HTT: variants seen among roughly 807,000 people sequenced by gnomAD.
HTT encodes the protein huntington disease protein.
HTT carries 104 observed loss-of-function variants against 362.3 expected under a neutral mutation model. The observed-to-expected ratio is 0.29, with a 90% CI of 0.24 to 0.34. The LOEUF (loss-of-function observed/expected upper bound fraction) is 0.34, where lower values mean the gene tolerates loss of function less well. HTT is among the 10% of genes least tolerant of loss of function. The probability of loss-of-function intolerance (pLI) is 1.00; values close to 1 mark genes in which losing one functional copy is unlikely to be tolerated. For synonymous variants in HTT, 1,577 were observed against 1,548.7 expected (o/e 1.02, Z -0.43); for missense variants, 3,301 against 3,928.6 (o/e 0.84, Z 4.27).
intron 47 of HTT, among the ~76,000 whole-genome samples, 177 bp from the exon 48 acceptor site, chr4:3,211,752 C>G (rs1162634696): frequency 6.6e-6 from 1 of 152,102 alleles, no homozygotes; most frequent in Non-Finnish European, 1.5e-5. Context: ...TGAAATTGTT[C>G]AAATATTTAT....
intron 51 of HTT, among the ~76,000 whole-genome samples, chr4:3,216,251 A>G (rs980584565): frequency 6.6e-6 from 1 of 152,214 alleles, no homozygotes; most frequent in Non-Finnish European, 1.5e-5. Flanking sequence ...TGCACAGCCA[A>G]GGACTTCTCT....
intron 2 of HTT, among the ~76,000 whole-genome samples, chr4:3,094,124 C>G (rs529637524): frequency 6.6e-6 from 1 of 151,514 alleles, no homozygotes; most frequent in Non-Finnish European, 1.5e-5. Context: ...TGACTCTTAA[C>G]GAGTATGCTG....
At position 3,199,956 on chromosome 4, in the gene HTT, C is replaced by T. The variant is rs1047477560; in HGVS notation, c.5576+17C>T. The T allele has an allele frequency of 1.2e-6, 2 of 1,602,282 alleles. No homozygotes were observed. Among genetic ancestry groups the T allele is most frequent in the African/African-American group, 1.3e-5 (1 of 74,680 alleles). On this transcript the variant is annotated intron_variant, in intron 41 of 66. Transcript: ENST00000355072. Reference sequence around the variant, plus strand: ...GACCCCGAAGTAGGTTCATAATGCCCCACAGCCCAGGGCGCCAGCCCAGCA... The same window carrying T: ...GACCCCGAAGTAGGTTCATAATGCCTCACAGCCCAGGGCGCCAGCCCAGCA...
intron 23 of HTT, among the ~76,000 whole-genome samples, chr4:3,144,162 A>G (rs993087030): frequency 1.3e-5 from 2 of 152,182 alleles, no homozygotes; most frequent in African/African-American, 4.8e-5. Flanking sequence ...CTGGCAGATA[A>G]TCACCAAGAT....
chr4:3,130,250 A>G, intron 13 of HTT, 55 bp from the exon 14 acceptor site: 1 of 1,152,776 alleles, frequency 8.7e-7, no homozygotes. Flanking sequence ...ATAAATGTAT[A>G]ATTGTATTTT....
At chr4:3,185,529 G>C (rs942376411) in intron 37 of HTT, among the ~76,000 whole-genome samples, 34 of 152,298 alleles carry the variant, frequency 2.2e-4, no homozygotes, top group African/African-American at 7.9e-4. Flanking sequence ...ACAAAAATTG[G>C]AAACAGTCAG....
chr4:3,166,388 T>G (rs939849024), intron 29 of HTT, among the ~76,000 whole-genome samples: 1 of 152,236 alleles, frequency 6.6e-6, no homozygotes, highest in African/African-American at 2.4e-5. Flanking sequence ...GGGACCCACT[T>G]GAGGCAGTCT....
chr4:3,087,171 C>T (rs1578486399), intron 2 of HTT, 149 bp downstream of exon 2: 2 of 520,914 alleles, frequency 3.8e-6, no homozygotes, highest in East Asian at 5.9e-5. Flanking sequence ...ATATTTCTGG[C>T]TATATACAAG....
chr4:3,189,519 G>A (rs750418493), intron 40 of HTT, among the ~76,000 whole-genome samples: 1 of 152,192 alleles, frequency 6.6e-6, no homozygotes, highest in Non-Finnish European at 1.5e-5. Context: ...AAATAAGCCA[G>A]TCACAAAAGG....
chr4:3,152,324 T>C (rs1716936658), intron 26 of HTT, among the ~76,000 whole-genome samples: 1 of 152,140 alleles, frequency 6.6e-6, no homozygotes, highest in Non-Finnish European at 1.5e-5. Flanking sequence ...GGTCTCGAAC[T>C]TGTGACCTCG....
intron 5 of HTT, 67 bp from the exon 6 acceptor site, chr4:3,107,218 A>G (rs1307376475): frequency 5.8e-6 from 9 of 1,553,704 alleles, no homozygotes; most frequent in Admixed American, 5.5e-5. Flanking sequence ...CCTAACAGGG[A>G]ATGAATTGCT....
Position 3,125,633 on chromosome 4 carries a change from G to A in HTT, c.1402+4G>A, listed in dbSNP as rs760888189. On this transcript the variant is annotated splice_donor_region_variant and intron_variant, in intron 11 of 66. Coordinates refer to ENST00000355072, the MANE Select transcript of HTT (RefSeq NM_001388492.1). ...GTCAGCAGCTCTGCCTTAACAGGTA[G>A]TTCTCACTAGTTAGCCGCTGGTGTG... 6.2e-7 allele frequency: 1 copy of A among 1,601,436 alleles called. No individual in the cohort carries two copies. The highest frequency in any genetic ancestry group is 8.6e-7 in the Non-Finnish European group (1 of 1,168,498).
At chr4:3,159,700 T>G (rs1717344777) in intron 28 of HTT, among the ~76,000 whole-genome samples, 1 of 152,270 alleles carries the variant, frequency 6.6e-6, no homozygotes, top group African/African-American at 2.4e-5. Context: ...TTACCAATAT[T>G]TATTTTCCTA....
At chr4:3,128,385 C>G (rs949989134) in intron 12 of HTT, 4 of 152,142 alleles carry the variant, frequency 2.6e-5, no homozygotes, top group Admixed American at 2.6e-4. Context: ...AAGGAAACAA[C>G]TTAGTGTCTT....
chr4:3,105,075 C>T (rs906532826), intron 4 of HTT, among the ~76,000 whole-genome samples: 1 of 152,110 alleles, frequency 6.6e-6, no homozygotes, highest in African/African-American at 2.4e-5. Context: ...TTCAGTAATT[C>T]ACAATGTTAG....
chr4:3,132,566 A>C lies in HTT; in HGVS notation c.2241A>C (p.Glu747Asp). Reference sequence around the variant, plus strand: ...CTGAGCAATTTATCTCCACAGAGGAACAGTATGTCTCAGACATCTTGAACT... The same window carrying C: ...CTGAGCAATTTATCTCCACAGAGGACCAGTATGTCTCAGACATCTTGAACT... ...VPLDTTEYPE[E>D]QYVSDILNYI... Residue 747 changes from glutamate to aspartate, a missense_variant, in exon 17 of 67, where the codon GAA becomes GAC. Physicochemically the swap from Glu to Asp is conservative, Grantham distance 45 (BLOSUM62 2). This residue lies in a region of HTT where 2,316 missense variants were observed against 2,658.5 expected (regional missense o/e 0.87). Coordinates refer to ENST00000355072, the MANE Select transcript of HTT (RefSeq NM_001388492.1). 1.2e-6 allele frequency: 2 copies of C among 1,613,716 alleles called. 1 individual carries two copies. Among genetic ancestry groups the C allele is most frequent in the South Asian group, 2.2e-5 (2 of 91,052 alleles).
chr4:3,115,073 T>C (rs1560553538), intron 6 of HTT, among the ~76,000 whole-genome samples: 1 of 152,188 alleles, frequency 6.6e-6, no homozygotes, highest in Non-Finnish European at 1.5e-5. Context: ...ACATGGATGC[T>C]GAGCAGTCCC....
chr4:3,177,306 G>A (rs1015265111), intron 33 of HTT, 26 bp from the exon 34 acceptor site: 5 of 1,517,594 alleles, frequency 3.3e-6, no homozygotes, highest in Non-Finnish European at 3.6e-6. Context: ...TATTATTGAT[G>A]TGAAATTTTA....
chr4:3,236,519 G>A (rs971612351), intron 64 of HTT, among the ~76,000 whole-genome samples: 3 of 152,340 alleles, frequency 2.0e-5, no homozygotes, highest in Middle Eastern at 3.4e-3. Context: ...CTCAGGGACA[G>A]TACCTGGCAG....
Sources: gnomAD v4.1 joint callset for allele counts (sites outside exome capture counted in the v4.1 genomes callset) on GRCh38, gnomAD v4.1.1 for gene constraint, gnomAD v4.1.1 regional missense constraint, MANE v1.5 for transcripts, NCBI Gene and HGNC (gene_info 2026-07-23, HGNC 2026-07-21) for gene names.